The following INPP4B variants were observed in gnomAD, a reference collection of about 807,000 sequenced individuals.
INPP4B encodes the protein inositol polyphosphate 4-phosphatase type II.
INPP4B carries 55 observed loss-of-function variants against 122.5 expected under a neutral mutation model. That is an observed-to-expected ratio of 0.45 (90% CI 0.36 to 0.56). The LOEUF (loss-of-function observed/expected upper bound fraction) is 0.56. Among genes scored for constraint, INPP4B ranks in the 20% least tolerant of loss-of-function variants. The probability of loss-of-function intolerance (pLI) is 0.00; values close to 1 mark genes in which losing one functional copy is unlikely to be tolerated. For synonymous variants in INPP4B, 403 were observed against 388.7 expected (o/e 1.04, Z -0.43); for missense variants, 1,000 against 1,097.7 (o/e 0.91, Z 1.26).
intron 2 of INPP4B, among the ~76,000 whole-genome samples, chr4:142,714,023 G>C (rs1198081480): frequency 1.3e-5 from 2 of 152,176 alleles, no homozygotes; most frequent in African/African-American, 4.8e-5. Flanking sequence ...ACCAATCTGA[G>C]AAAATGCTGG....
chr4:142,458,424 T>C (rs886112620), intron 3 of INPP4B, among the ~76,000 whole-genome samples: 2 of 152,068 alleles, frequency 1.3e-5, no homozygotes, highest in African/African-American at 2.4e-5. Flanking sequence ...ATTTACTGTA[T>C]GCAAATTTTA....
rs181016892 is a variant in INPP4B at position 142,232,492 on chromosome 4, G to A, written c.836+5372C>T. ...GTGCCATGAACCACACCTAAAAGAC[G>A]GTGAACTTAGTCAATAAATGTTGTG... is the stretch of plus-strand genomic sequence containing the variant. On this transcript the variant is annotated intron_variant, in intron 12 of 25. Transcript: ENST00000262992. Among the ~76,000 whole-genome samples the A allele has an allele frequency of 1.4e-4, 22 of 151,996 alleles. No individual in the cohort carries two copies. In the East Asian group the frequency reaches 1.9e-3, roughly 13 times the overall value.
intron 1 of INPP4B, among the ~76,000 whole-genome samples, chr4:142,742,105 C>T (rs978151761): frequency 1.3e-5 from 2 of 151,834 alleles, no homozygotes; most frequent in African/African-American, 4.8e-5. Flanking sequence ...GGTGCCCTAC[C>T]CAGATTTCCT....
chr4:142,697,132 T>C (rs901578752), intron 2 of INPP4B, among the ~76,000 whole-genome samples: 1 of 152,218 alleles, frequency 6.6e-6, no homozygotes, highest in African/African-American at 2.4e-5. Flanking sequence ...CTAAGTTACA[T>C]TGTTATTAAA....
At chr4:142,334,642 A>C (rs1775914411) in intron 7 of INPP4B, among the ~76,000 whole-genome samples, 1 of 152,126 alleles carries the variant, frequency 6.6e-6, no homozygotes. Context: ...GATAATAGCC[A>C]ATTTAACAGG....
At chr4:142,647,173 T>C (rs541239386) in intron 2 of INPP4B, among the ~76,000 whole-genome samples, 102 of 151,892 alleles carry the variant, frequency 6.7e-4, no homozygotes, top group Non-Finnish European at 9.1e-4. Context: ...AAGAAGAAAA[T>C]ACCAAAATAA....
At chr4:142,139,629 TATTAGATAG>T (rs1806687380) in intron 18 of INPP4B, among the ~76,000 whole-genome samples, 1 of 152,154 alleles carries the variant, frequency 6.6e-6, no homozygotes, top group Non-Finnish European at 1.5e-5. Flanking sequence ...ATTTTAAGTG[TATTAGATAG>T]ATAGCTAATC....
chr4:142,472,978 T>G (rs1233132031), intron 2 of INPP4B, among the ~76,000 whole-genome samples: 1 of 152,358 alleles, frequency 6.6e-6, no homozygotes, highest in East Asian at 1.9e-4. Context: ...GTCTTGGTAC[T>G]GCTCCTAAAT....
chr4:142,475,972 T>G (rs7695918), intron 2 of INPP4B, among the ~76,000 whole-genome samples: 29,391 of 152,060 alleles, frequency 0.19, 3,401 homozygotes, highest in East Asian at 0.45. Flanking sequence ...AGGCAAACAT[T>G]TAAATCCAGG....
At chr4:142,328,134 G>A (rs928208707) in intron 7 of INPP4B, among the ~76,000 whole-genome samples, 3 of 152,150 alleles carry the variant, frequency 2.0e-5, no homozygotes, top group African/African-American at 7.2e-5. Flanking sequence ...CTAACTCAGT[G>A]TTGTTTTAAA....
At chr4:142,758,692 C>T (rs1024805513) in intron 1 of INPP4B, among the ~76,000 whole-genome samples, 4 of 152,100 alleles carry the variant, frequency 2.6e-5, no homozygotes, top group Non-Finnish European at 4.4e-5. Flanking sequence ...ATGTCTCACA[C>T]CTGTAAGCTC....
chr4:142,353,883 AAATGGTTTCT>A (rs1203490271), intron 7 of INPP4B, among the ~76,000 whole-genome samples: 1 of 152,008 alleles, frequency 6.6e-6, no homozygotes, highest in Non-Finnish European at 1.5e-5. Context: ...TCTCCTCACT[AAATGGTTTCT>A]AAAATGTTTT....
intron 1 of INPP4B, among the ~76,000 whole-genome samples, chr4:142,828,244 T>C (rs1253485775): frequency 6.6e-6 from 1 of 152,012 alleles, no homozygotes; most frequent in Non-Finnish European, 1.5e-5. Flanking sequence ...AATGTCCAGG[T>C]ATATGAGAAT....
intron 25 of INPP4B, among the ~76,000 whole-genome samples, chr4:142,049,076 CATGAAGT>C (rs1280148461): frequency 6.6e-6 from 1 of 151,906 alleles, no homozygotes; most frequent in Non-Finnish European, 1.5e-5. Flanking sequence ...TTACTGCACT[CATGAAGT>C]TTTGGAAGTT....
At chr4:142,285,292 G>A (rs1480117266) in intron 9 of INPP4B, among the ~76,000 whole-genome samples, 1 of 151,934 alleles carries the variant, frequency 6.6e-6, no homozygotes, top group Non-Finnish European at 1.5e-5. Context: ...AAGAAGTCTG[G>A]GAGGAGTAAT....
At chr4:142,062,900 T>C (rs1452910105) in intron 25 of INPP4B, among the ~76,000 whole-genome samples, 1 of 152,200 alleles carries the variant, frequency 6.6e-6, no homozygotes, top group East Asian at 1.9e-4. Context: ...CACATATGTA[T>C]AGACCTCAGG....
intron 2 of INPP4B, among the ~76,000 whole-genome samples, chr4:142,549,580 C>T (rs114026814): frequency 3.2e-3 from 489 of 152,228 alleles, no homozygotes; most frequent in Middle Eastern, 0.02. Flanking sequence ...GATGTCTTTA[C>T]CTTCTCCAGG....
chr4:142,784,220 G>A (rs748246767), intron 1 of INPP4B, among the ~76,000 whole-genome samples: 2 of 151,790 alleles, frequency 1.3e-5, no homozygotes, highest in Non-Finnish European at 1.5e-5. Context: ...AAAATTAGCC[G>A]GGCGTGGTGG....
chr4:142,597,958 C>T (rs748779275), intron 2 of INPP4B, among the ~76,000 whole-genome samples: 52 of 152,126 alleles, frequency 3.4e-4, no homozygotes, highest in Non-Finnish European at 6.5e-4. Flanking sequence ...GACAGTCTTC[C>T]TGCATCAAGA....
Sources: allele counts gnomAD v4.1 joint callset (sites outside exome capture counted in the v4.1 genomes callset), GRCh38; gene constraint gnomAD v4.1.1; transcripts MANE v1.5; gene names NCBI Gene and HGNC (gene_info 2026-07-23, HGNC 2026-07-21).